ZNF484: variants seen among roughly 807,000 people sequenced by gnomAD.
The protein encoded by ZNF484 is zinc finger protein 484, also known as KRAB box containing C2H2 type zinc finger bA526D8.4.
Under a neutral mutation model 12.9 loss-of-function variants are expected in ZNF484, and 11 were observed. The ratio of observed to expected loss-of-function variants is 0.85; its 90% CI spans 0.54 to 1.41. ZNF484 has a LOEUF of 1.41. ZNF484 is among the 40% of genes most tolerant of loss of function. ZNF484 has a pLI of 0.00. For synonymous variants in ZNF484, 289 were observed against 334.1 expected, an observed-to-expected ratio of 0.86 and a Z score of 1.47; for missense variants, 807 against 1,007.7, an observed-to-expected ratio of 0.80 and a Z score of 2.70.
At chr9:92,873,221 AC>A in intron 2 of ZNF484, among the ~76,000 whole-genome samples, 1 of 152,200 alleles carries the variant, frequency 6.6e-6, no homozygotes, top group Non-Finnish European at 1.5e-5. Flanking sequence ...GTTTTCGTCT[AC>A]AAGCCAAGAA....
chr9:92,847,535 C>T lies in ZNF484; in HGVS notation c.1252G>A (p.Gly418Arg), dbSNP rs1855735813. The T allele has an allele frequency of 1.2e-6, 2 of 1,613,672 alleles. No homozygotes were observed. Among genetic ancestry groups the T allele is most frequent in the South Asian group, 1.1e-5 (1 of 90,912 alleles). ...GEKPYVCTEC[G>R]KAFIRKSHFI... ...TGTGACTTCCGGATAAAGGCCTTCC[C>T]ACATTCAGTACATACATAAGGTTTT... Residue 418 changes from glycine (G) to arginine (R), a missense_variant, in exon 5 of 5, where the codon GGG (glycine) becomes AGG (arginine). Transcript: ENST00000375495.
At position 92,855,294 on chromosome 9, in the gene ZNF484, A is replaced by G. The variant is rs1480075912; in HGVS notation, c.235+517T>C. On this transcript the variant is annotated intron_variant, in intron 4 of 4. Transcript: ENST00000375495. ...TGGTACTCTCAAAGTCAACAATCAGAGAAGAGGCATGGGGGGACTTCAGAC... is the reference window on the plus strand; with the variant it reads ...TGGTACTCTCAAAGTCAACAATCAGGGAAGAGGCATGGGGGGACTTCAGAC... Among the ~76,000 whole-genome samples, 3 of 152,288 alleles carry G rather than the reference A, an allele frequency of 2.0e-5. No homozygotes were observed. In the South Asian group the frequency reaches 6.2e-4, roughly 32 times the overall value.
At chr9:92,856,449 G>C in intron 2 of ZNF484, 131 bp from the exon 3 acceptor site, 1 of 619,906 alleles carries the variant, frequency 1.6e-6, no homozygotes, top group Non-Finnish European at 2.5e-6. Flanking sequence ...TTTTTAATGT[G>C]ATACAATATA....
Position 92,855,921 on chromosome 9 carries a change from T to C in ZNF484, c.143-18A>G, listed in dbSNP as rs368672690. On this transcript the variant is annotated intron_variant, in intron 3 of 4. Transcript: ENST00000375495. The stretch of plus-strand genomic sequence containing the variant: ...TTGACATCCTGTTAACAGGGGATGA[T>C]AGAGGACTTGATTTCAGAGGCCATA... 5.8e-5 allele frequency: 94 copies of C among 1,612,424 alleles called. 1 individual carries two copies. The highest frequency in any genetic ancestry group is 1.6e-4 in the Middle Eastern group (1 of 6,072).
chr9:92,866,943 A>T (rs1025819893), intron 2 of ZNF484, among the ~76,000 whole-genome samples: 7 of 152,222 alleles, frequency 4.6e-5, no homozygotes, highest in African/African-American at 1.7e-4. Flanking sequence ...TTGAACAATG[A>T]GAACACACAG....
At chr9:92,858,922 G>A (rs561566456) in intron 2 of ZNF484, among the ~76,000 whole-genome samples, 16 of 152,078 alleles carry the variant, frequency 1.1e-4, no homozygotes, top group South Asian at 2.1e-4. Flanking sequence ...TCAGGAGATC[G>A]AGACCATCCT....
At chr9:92,856,096 A>G (rs939002346) in intron 3 of ZNF484, 96 bp downstream of exon 3, 3 of 1,535,436 alleles carry the variant, frequency 2.0e-6, no homozygotes. Context: ...GAAGTCCCAC[A>G]TACCTCAGAA....
intron 1 of ZNF484, among the ~76,000 whole-genome samples, chr9:92,876,368 A>G (rs1179652029): frequency 2.6e-5 from 4 of 152,238 alleles, no homozygotes; most frequent in Non-Finnish European, 1.5e-5. Context: ...GCATAAAATC[A>G]GATAAATCAT....
At chr9:92,860,646 A>C (rs560702296) in intron 2 of ZNF484, among the ~76,000 whole-genome samples, 93 of 151,150 alleles carry the variant, frequency 6.2e-4, no homozygotes, top group African/African-American at 1.9e-3. Flanking sequence ...ACAAAAAAAA[A>C]CCAGTATACT....
intron 2 of ZNF484, among the ~76,000 whole-genome samples, chr9:92,862,823 G>A (rs1334187951): frequency 6.6e-6 from 1 of 152,206 alleles, no homozygotes; most frequent in East Asian, 1.9e-4. Context: ...TAGTGGGAAT[G>A]TAAATTTGTT....
chr9:92,873,013 G>T (rs568393195), intron 2 of ZNF484, among the ~76,000 whole-genome samples: 1 of 152,056 alleles, frequency 6.6e-6, no homozygotes, highest in Non-Finnish European at 1.5e-5. Flanking sequence ...CCAAAAATTC[G>T]TATGTTTAGG....
intron 2 of ZNF484, among the ~76,000 whole-genome samples, chr9:92,869,426 A>C (rs1857298355): frequency 1.6e-5 from 2 of 122,536 alleles, no homozygotes; most frequent in South Asian, 4.6e-4. Context: ...CCAAATTATG[A>C]TATACCCATA....
intron 2 of ZNF484, among the ~76,000 whole-genome samples, chr9:92,873,077 C>T (rs757794363): frequency 6.6e-6 from 1 of 152,066 alleles, no homozygotes; most frequent in Non-Finnish European, 1.5e-5. Context: ...GAGGTAATTA[C>T]GGTTAAACAA....
At chr9:92,877,820 C>G in intron 1 of ZNF484, 70 bp downstream of exon 1, 1 of 1,535,836 alleles carries the variant, frequency 6.5e-7, no homozygotes, top group Non-Finnish European at 8.7e-7. Flanking sequence ...CATCACTGAC[C>G]GGAAGGCTCA....
At chr9:92,870,665 T>G (rs1857377265) in intron 2 of ZNF484, among the ~76,000 whole-genome samples, 1 of 152,198 alleles carries the variant, frequency 6.6e-6, no homozygotes, top group South Asian at 2.1e-4. Flanking sequence ...ACAGGTGTGG[T>G]GTGAGAGGAT....
In ZNF484 at chr9:92,846,871, G is replaced by A. The variant is rs1372074600; in HGVS notation, c.1916C>T (p.Ala639Val). 3 of 1,613,620 alleles carry A rather than the reference G, an allele frequency of 1.9e-6. No homozygotes were observed. Among genetic ancestry groups the A allele is most frequent in the Non-Finnish European group, 2.5e-6 (3 of 1,179,940 alleles). Residue 639 changes from alanine to valine, a missense_variant, in exon 5 of 5, where the codon GCT (alanine) becomes GTT (valine). Ala to Val is a moderately conservative substitution (Grantham distance 64, BLOSUM62 0). Transcript: ENST00000375495. ...IHTGEKPYRC[A>V]ECGKAFTDRS... is the part of the protein sequence containing the mutation. ...GTCAGTAAAAGCCTTTCCACATTCA[G>A]CACACCTATAGGGTTTCTCTCCTGT...
intron 4 of ZNF484, among the ~76,000 whole-genome samples, chr9:92,851,681 A>C (rs1009891958): frequency 8.5e-5 from 13 of 152,326 alleles, no homozygotes; most frequent in African/African-American, 2.9e-4. Flanking sequence ...TCTTTCCATT[A>C]GTCACTGCAG....
At chr9:92,864,579 T>C (rs1399824842) in intron 2 of ZNF484, among the ~76,000 whole-genome samples, 2 of 152,200 alleles carry the variant, frequency 1.3e-5, no homozygotes, top group East Asian at 3.8e-4. Context: ...TGCCAGACAA[T>C]TCTAATAAAA....
chr9:92,847,979 CAT>C lies in ZNF484; in HGVS notation c.806_807del (p.His269ArgfsTer6). ...TGCTTTTCTTCAGCACAAATACTCT[CAT>C]GTGCAAAGGCATGTGACTTCGGGGA... ...VFSPKSHAFA[H>X]ESICAEEKQH... On this transcript the variant is annotated frameshift_variant, in exon 5 of 5. Coordinates refer to ENST00000375495, the MANE Select transcript of ZNF484 (RefSeq NM_031486.4). LOFTEE classifies it low-confidence loss of function (END_TRUNC). 1 of 1,614,224 alleles carries C rather than the reference CAT, an allele frequency of 6.2e-7. No homozygotes were observed. The highest frequency in any genetic ancestry group is 8.5e-7 in the Non-Finnish European group (1 of 1,180,032).
Sources: gnomAD v4.1 joint callset for allele counts (sites outside exome capture counted in the v4.1 genomes callset) on GRCh38, gnomAD v4.1.1 for gene constraint, MANE v1.5 for transcripts, NCBI Gene and HGNC (gene_info 2026-07-23, HGNC 2026-07-21) for gene names.